The following LIPC variants were observed in gnomAD, a reference collection of about 807,000 sequenced individuals.
LIPC encodes lipase C, hepatic type.
A neutral mutation model predicts 50.7 loss-of-function variants in LIPC; 44 were observed. The observed-to-expected ratio is 0.87, with a 90% CI of 0.68 to 1.11. The LOEUF (loss-of-function observed/expected upper bound fraction) is 1.11, where lower values mean the gene tolerates loss of function less well. LIPC is among the 50% of genes most tolerant of loss of function. LIPC has a pLI of 0.00. For missense variants in LIPC, 697 were observed against 648.2 expected (o/e 1.08, Z -0.82); for synonymous variants, 271 against 256.4 (o/e 1.06, Z -0.54).
chr15:58,488,437 C>G lies in LIPC; in HGVS notation c.89-49896C>G, dbSNP rs550256641. On this transcript the variant is annotated intron_variant, in intron 1 of 8. Coordinates refer to ENST00000299022, the MANE Select transcript of LIPC (RefSeq NM_000236.3). Reference sequence around the variant, plus strand: ...GTATCAATCCCTGTTAGGCACTAGGCACTGTGCTAGGTGTTTGGAAGAGTC... The same window carrying G: ...GTATCAATCCCTGTTAGGCACTAGGGACTGTGCTAGGTGTTTGGAAGAGTC... Among the ~76,000 whole-genome samples the G allele has an allele frequency of 4.6e-5, 7 of 152,358 alleles. No individual in the cohort carries two copies. The East Asian group carries it at 1.3e-3, about 29-fold the overall frequency.
chr15:58,473,457 C>T (rs555033172), intron 1 of LIPC, among the ~76,000 whole-genome samples: 5 of 152,210 alleles, frequency 3.3e-5, no homozygotes, highest in Admixed American at 1.3e-4. Context: ...ATTAACAAGA[C>T]GTTTGGAGGA....
rs746042863 is a variant in LIPC, at chr15:58,560,944, G to A, written c.1132G>A (p.Gly378Arg). The change falls in exon 7 of 9, where the codon GGA (glycine) becomes AGA (arginine). Residue 378 changes from glycine (G) to arginine (R), a missense_variant. Coordinates refer to ENST00000299022, the MANE Select transcript of LIPC (RefSeq NM_000236.3). ...IQTTFTMSLL[G>R]TKEKMQKIPI... ...AACAACTTTTACCATGTCACTACTC[G>A]GAACAAAAGAGAAAATGCAGAAAAT... The A allele has an allele frequency of 3.8e-6, 6 of 1,571,274 alleles. No individual in the cohort carries two copies. Among genetic ancestry groups the A allele is most frequent in the South Asian group, 2.2e-5 (2 of 90,170 alleles).
At chr15:58,487,013 C>G (rs115425128) in intron 1 of LIPC, among the ~76,000 whole-genome samples, 2,526 of 152,254 alleles carry the variant, frequency 0.017, 63 homozygotes, top group African/African-American at 0.056. Flanking sequence ...GCGTGTGTAC[C>G]TCACACTGTG....
intron 1 of LIPC, among the ~76,000 whole-genome samples, chr15:58,507,657 C>T (rs562746311): frequency 1.6e-3 from 242 of 152,290 alleles, no homozygotes; most frequent in African/African-American, 5.6e-3. Context: ...AGCTGGCTAG[C>T]GACCTTTTTC....
rs796337392 is a variant in LIPC, at chr15:58,567,317, A to G, written c.1389-1399A>G. Among the ~76,000 whole-genome samples, 331 of 32,144 alleles carry G rather than the reference A, an allele frequency of 0.01. 4 individuals are homozygous for G. In the East Asian group the frequency reaches 0.13, roughly 13 times the overall value. The allele number at this position is 32,144 out of a possible 152,430, so 21.1% of individuals were successfully genotyped here. On this transcript the variant is annotated intron_variant, in intron 8 of 8. Coordinates refer to ENST00000299022, the MANE Select transcript of LIPC (RefSeq NM_000236.3). ...TACATATATATATACATATATATGT[A>G]TATGTGTATATATATATATATGTAT...
chr15:58,491,143 A>G (rs961775585), intron 1 of LIPC, among the ~76,000 whole-genome samples: 2 of 152,208 alleles, frequency 1.3e-5, no homozygotes, highest in African/African-American at 4.8e-5. Flanking sequence ...GCAAGAGGAC[A>G]GACATCCCGT....
intron 1 of LIPC, among the ~76,000 whole-genome samples, chr15:58,482,719 TG>T (rs1234671833): frequency 1.3e-5 from 2 of 152,180 alleles, no homozygotes; most frequent in Non-Finnish European, 2.9e-5. Context: ...AAGTACATCC[TG>T]TATTTCTGAG....
intron 1 of LIPC, among the ~76,000 whole-genome samples, chr15:58,510,139 A>G (rs757791914): frequency 5.9e-5 from 9 of 152,228 alleles, no homozygotes; most frequent in Non-Finnish European, 1.0e-4. Context: ...GGTACTGGGC[A>G]TAGGGTGGAA....
At position 58,451,696 on chromosome 15, in the gene LIPC, C is replaced by T. The variant is rs528502586; in HGVS notation, c.88+19576C>T. The stretch of plus-strand genomic sequence containing the variant: ...CTGATCAGGATCCACATGGGAGGTT[C>T]GCTCCTTTGGAGGAGGAGATGCCAG... On this transcript the variant is annotated intron_variant, in intron 1 of 8. Coordinates refer to ENST00000299022, the MANE Select transcript of LIPC (RefSeq NM_000236.3). Among the ~76,000 whole-genome samples the T allele has an allele frequency of 1.6e-4, 25 of 152,266 alleles. No individual in the cohort carries two copies. The South Asian group carries it at 1.9e-3, about 11-fold the overall frequency.
chr15:58,480,258 G>A (rs1432187521), intron 1 of LIPC, among the ~76,000 whole-genome samples: 1 of 152,136 alleles, frequency 6.6e-6, no homozygotes, highest in East Asian at 1.9e-4. Flanking sequence ...TAAGACATGT[G>A]TTGTCCATAA....
At chr15:58,567,691 T>C (rs28458188) in intron 8 of LIPC, among the ~76,000 whole-genome samples, 22,579 of 151,980 alleles carry the variant, frequency 0.15, 1,998 homozygotes, top group South Asian at 0.34. Context: ...TGAAAAATAG[T>C]GAAATAGACT....
chr15:58,482,909 C>T (rs1378544504), intron 1 of LIPC, among the ~76,000 whole-genome samples: 2 of 152,126 alleles, frequency 1.3e-5, no homozygotes, highest in African/African-American at 4.8e-5. Context: ...CGCTTCTCAT[C>T]CCAAGCCTTG....
At chr15:58,485,454 C>T (rs750564954) in intron 1 of LIPC, among the ~76,000 whole-genome samples, 2 of 152,154 alleles carry the variant, frequency 1.3e-5, no homozygotes, top group East Asian at 3.9e-4. Flanking sequence ...GCAACAGCCA[C>T]ATGCAATGTT....
chr15:58,490,049 C>T (rs749381223), intron 1 of LIPC, among the ~76,000 whole-genome samples: 5 of 152,180 alleles, frequency 3.3e-5, no homozygotes, highest in African/African-American at 1.2e-4. Flanking sequence ...ATTCTAGGTT[C>T]TTTGCAATAC....
chr15:58,482,064 A>G (rs1003579396), intron 1 of LIPC, among the ~76,000 whole-genome samples: 1 of 152,188 alleles, frequency 6.6e-6, no homozygotes, highest in African/African-American at 2.4e-5. Context: ...CATATGGACT[A>G]AATTTTTTAG....
intron 1 of LIPC, among the ~76,000 whole-genome samples, chr15:58,496,590 C>A (rs935873197): frequency 6.6e-6 from 1 of 152,112 alleles, no homozygotes; most frequent in Admixed American, 6.5e-5. Context: ...GTTCATAAAA[C>A]AGAAGATGTC....
intron 1 of LIPC, among the ~76,000 whole-genome samples, chr15:58,499,945 G>A (rs905053658): frequency 3.9e-5 from 6 of 152,182 alleles, no homozygotes; most frequent in Non-Finnish European, 7.3e-5. Context: ...TTCGGTAGAA[G>A]ACATGAGTTG....
intron 1 of LIPC, among the ~76,000 whole-genome samples, chr15:58,440,239 G>A (rs746141797): frequency 4.6e-5 from 7 of 152,180 alleles, no homozygotes; most frequent in Admixed American, 6.5e-5. Context: ...CACCCTGAGC[G>A]GCTCCTTGGC....
At chr15:58,520,918 T>C (rs1892633401) in intron 1 of LIPC, among the ~76,000 whole-genome samples, 1 of 152,150 alleles carries the variant, frequency 6.6e-6, no homozygotes, top group South Asian at 2.1e-4. Flanking sequence ...TGAGGAATTC[T>C]AGAAAAGGAA....
Sources: allele counts gnomAD v4.1 joint callset (sites outside exome capture counted in the v4.1 genomes callset), GRCh38; gene constraint gnomAD v4.1.1; transcripts MANE v1.5; gene names NCBI Gene and HGNC (gene_info 2026-07-23, HGNC 2026-07-21).